Variants in CACNA2D1 observed in about 807,000 individuals in gnomAD.
The protein encoded by CACNA2D1 is voltage-dependent calcium channel subunit alpha-2/delta-1.
A neutral mutation model predicts 171.5 loss-of-function variants in CACNA2D1; 53 were observed. That is an observed-to-expected ratio of 0.31 (90% confidence interval 0.25 to 0.39). The LOEUF (loss-of-function observed/expected upper bound fraction) is 0.39, where lower values mean the gene tolerates loss of function less well. CACNA2D1 is among the 10% of genes least tolerant of loss of function. The pLI is 1.00. For missense variants in CACNA2D1, 903 were observed against 1,299.8 expected, an observed-to-expected ratio of 0.69 and a Z score of 4.69; for synonymous variants, 442 against 443.1, an observed-to-expected ratio of 1.00 and a Z score of 0.03.
At chr7:82,053,530 A>G (rs546861504) in intron 10 of CACNA2D1, among the ~76,000 whole-genome samples, 1 of 152,280 alleles carries the variant, frequency 6.6e-6, no homozygotes, top group African/African-American at 2.4e-5. Context: ...TGATATTTTT[A>G]TAGTAAATAA....
Position 82,335,370 on chromosome 7 carries a change from T to A in CACNA2D1, c.178-119A>T, listed in dbSNP as rs1023365252. The stretch of plus-strand genomic sequence containing the variant: ...ATTAGAAACACCACCCTGTTCTTTA[T>A]CTTGATCTTTTTGGAGTTTGAGTGT... On this transcript the variant is annotated intron_variant, in intron 2 of 38. Transcript: ENST00000356860. 60 of 704,272 alleles carry A rather than the reference T, an allele frequency of 8.5e-5. 1 individual carries two copies. In the Admixed American group the frequency reaches 1.4e-3, roughly 17 times the overall value. The allele number at this position is 704,272 out of a possible 1,614,324, so 43.6% of individuals were successfully genotyped here. A position where few individuals can be genotyped will look rare whatever the true frequency, so the allele number is the denominator to read the frequency against.
At chr7:82,301,441 G>A (rs1246019446) in intron 3 of CACNA2D1, among the ~76,000 whole-genome samples, 1 of 151,964 alleles carries the variant, frequency 6.6e-6, no homozygotes, top group Non-Finnish European at 1.5e-5. Flanking sequence ...GCTATCTTAA[G>A]AGAGTAACCC....
intron 10 of CACNA2D1, among the ~76,000 whole-genome samples, chr7:82,046,219 C>T (rs940556448): frequency 7.2e-5 from 11 of 152,198 alleles, no homozygotes; most frequent in African/African-American, 2.4e-4. Context: ...AAAAGTACTG[C>T]TAGTTAATTC....
chr7:82,301,460 AG>A lies in CACNA2D1; in HGVS notation c.294+33674del, dbSNP rs1812996378. Among the ~76,000 whole-genome samples the A allele has an allele frequency of 2.6e-5, 4 of 152,168 alleles. No individual in the cohort carries two copies. In the South Asian group the frequency reaches 8.3e-4, roughly 32 times the overall value. On this transcript the variant is annotated intron_variant, in intron 3 of 38. Coordinates refer to ENST00000356860, the MANE Select transcript of CACNA2D1 (RefSeq NM_000722.4). Reference sequence around the variant, plus strand: ...TCTTAAGAGAGTAACCCAATGTCTTAGGGTGATCATTTTTCTCTTATAAACT... The same window carrying A: ...TCTTAAGAGAGTAACCCAATGTCTTAGGTGATCATTTTTCTCTTATAAACT...
At chr7:82,098,638 TA>T (rs1732723530) in intron 6 of CACNA2D1, among the ~76,000 whole-genome samples, 1 of 152,180 alleles carries the variant, frequency 6.6e-6, no homozygotes, top group African/African-American at 2.4e-5. Flanking sequence ...GCTTGATGAT[TA>T]CATGGTCTTA....
At chr7:82,100,315 A>T (rs1812520953) in intron 6 of CACNA2D1, among the ~76,000 whole-genome samples, 1 of 152,112 alleles carries the variant, frequency 6.6e-6, no homozygotes, top group Non-Finnish European at 1.5e-5. Context: ...ACTTCTTGAA[A>T]TGTCTTATTA....
At chr7:82,393,753 A>G (rs1446741164) in intron 1 of CACNA2D1, among the ~76,000 whole-genome samples, 1 of 152,226 alleles carries the variant, frequency 6.6e-6, no homozygotes, top group African/African-American at 2.4e-5. Flanking sequence ...AACTCTTAAA[A>G]CATTGTAAAA....
chr7:82,137,736 C>T (rs1791826488), intron 4 of CACNA2D1, among the ~76,000 whole-genome samples: 3 of 77,864 alleles, frequency 3.9e-5, no homozygotes, highest in African/African-American at 5.9e-5. Flanking sequence ...AAAAATTAGC[C>T]GGGCGTGGTG....
intron 6 of CACNA2D1, among the ~76,000 whole-genome samples, chr7:82,105,086 C>A (rs534417275): frequency 1.1e-4 from 16 of 151,538 alleles, no homozygotes; most frequent in Non-Finnish European, 4.4e-5. Flanking sequence ...CTGTCTTATT[C>A]TTTTTAAAAT....
At chr7:82,265,737 C>T (rs1040211222) in intron 3 of CACNA2D1, among the ~76,000 whole-genome samples, 3 of 152,026 alleles carry the variant, frequency 2.0e-5, no homozygotes, top group Non-Finnish European at 4.4e-5. Flanking sequence ...AACCACTTGC[C>T]ATTATTTGCA....
chr7:81,951,862 G>C (rs1792556866), intron 38 of CACNA2D1, among the ~76,000 whole-genome samples: 1 of 151,562 alleles, frequency 6.6e-6, no homozygotes, highest in Non-Finnish European at 1.5e-5. Context: ...ACAGCAGTGG[G>C]ACTACTGGAT....
intron 3 of CACNA2D1, among the ~76,000 whole-genome samples, chr7:82,291,323 T>C (rs1312046318): frequency 1.4e-5 from 2 of 140,276 alleles, no homozygotes; most frequent in East Asian, 2.0e-4. Flanking sequence ...TATACATCTA[T>C]TTAGATATAT....
intron 25 of CACNA2D1, among the ~76,000 whole-genome samples, chr7:81,973,017 TC>T (rs1447340693): frequency 6.6e-6 from 1 of 151,954 alleles, no homozygotes; most frequent in African/African-American, 2.4e-5. Context: ...TCTAATTGCC[TC>T]CAATCCCTTT....
chr7:82,013,957 G>C (rs934127741), intron 13 of CACNA2D1, among the ~76,000 whole-genome samples: 11 of 151,792 alleles, frequency 7.2e-5, no homozygotes, highest in Non-Finnish European at 1.3e-4. Flanking sequence ...CATTCTTTCT[G>C]AGTGAAAATA....
chr7:82,396,464 T>C (rs987681191), intron 1 of CACNA2D1, among the ~76,000 whole-genome samples: 2 of 152,252 alleles, frequency 1.3e-5, no homozygotes, highest in Non-Finnish European at 1.5e-5. Flanking sequence ...AATATTTGGA[T>C]AGTCTTAAAT....
intron 4 of CACNA2D1, among the ~76,000 whole-genome samples, chr7:82,143,173 G>T (rs887328384): frequency 7.2e-5 from 11 of 152,046 alleles, no homozygotes; most frequent in Admixed American, 6.6e-4. Context: ...TATTGAGAAA[G>T]TATGTAATTT....
At chr7:82,048,003 T>C (rs1318904318) in intron 10 of CACNA2D1, among the ~76,000 whole-genome samples, 1 of 152,104 alleles carries the variant, frequency 6.6e-6, no homozygotes, top group African/African-American at 2.4e-5. Flanking sequence ...CAGATTCATG[T>C]AATGGTAAGC....
intron 3 of CACNA2D1, among the ~76,000 whole-genome samples, chr7:82,198,092 C>T (rs534653165): frequency 6.6e-6 from 1 of 150,660 alleles, no homozygotes; most frequent in African/African-American, 2.5e-5. Flanking sequence ...TCTATACCCC[C>T]AGTATAAAAC....
chr7:82,321,255 C>T (rs1378174370), intron 3 of CACNA2D1, among the ~76,000 whole-genome samples: 1 of 151,860 alleles, frequency 6.6e-6, no homozygotes, highest in Admixed American at 6.6e-5. Context: ...AAAAATTAGC[C>T]CGGCATGGTG....
Sources: gnomAD v4.1 joint callset for allele counts (sites outside exome capture counted in the v4.1 genomes callset) on GRCh38, gnomAD v4.1.1 for gene constraint, MANE v1.5 for transcripts, NCBI Gene and HGNC (gene_info 2026-07-23, HGNC 2026-07-21) for gene names.